The following CCDC169 variants were observed in gnomAD, a reference collection of about 807,000 sequenced individuals.
The protein encoded by CCDC169 is coiled-coil domain-containing protein 169.
CCDC169 carries 30 observed loss-of-function variants against 36.0 expected under a neutral mutation model. The observed-to-expected ratio is 0.83, with a 90% CI of 0.62 to 1.13. CCDC169 has a LOEUF of 1.13. CCDC169 is among the 50% of genes most tolerant of loss of function. The pLI is 0.00. For missense variants in CCDC169, 245 were observed against 245.9 expected, an observed-to-expected ratio of 1.00 and a Z score of 0.03; for synonymous variants, 85 against 81.5, an observed-to-expected ratio of 1.04 and a Z score of -0.23.
Position 36,283,487 on chromosome 13 carries a change from G to A in CCDC169, c.297C>T (p.Val99=). The change falls in exon 4 of 8, where the codon GTC becomes GTT. Residue 99 remains valine (V), a synonymous_variant. Transcript: ENST00000239859. ...TACTCACCACTGGCATTCGTTCATA[G>A]ACACGAATAGAAGATAGTCTATCTA... ...NSSDRLSSIR[V]YERMPVESLN... is the part of the protein sequence containing the mutation. 1.3e-6 allele frequency: 2 copies of A among 1,549,108 alleles called. No homozygotes were observed. Among genetic ancestry groups the A allele is most frequent in the Non-Finnish European group, 1.7e-6 (2 of 1,144,984 alleles).
downstream of CCDC169, chr13:36,227,188 G>C: frequency 2.0e-6 from 3 of 1,481,080 alleles, no homozygotes; most frequent in Non-Finnish European, 1.8e-6. Flanking sequence ...GCACATGTCT[G>C]AGTATTTTAC....
chr13:36,277,302 G>A (rs1180856181), intron 4 of CCDC169, among the ~76,000 whole-genome samples: 2 of 152,030 alleles, frequency 1.3e-5, no homozygotes, highest in Admixed American at 6.6e-5. Context: ...AACACACACT[G>A]GGGCCTGTCA....
At chr13:36,263,544 T>C (rs1208460912) in intron 4 of CCDC169, among the ~76,000 whole-genome samples, 1 of 152,204 alleles carries the variant, frequency 6.6e-6, no homozygotes, top group Middle Eastern at 3.2e-3. Context: ...TTAAAAATTA[T>C]ATTAAGAGAA....
chr13:36,271,134 T>A (rs374116399), intron 4 of CCDC169, among the ~76,000 whole-genome samples: 1 of 152,094 alleles, frequency 6.6e-6, no homozygotes, highest in Non-Finnish European at 1.5e-5. Context: ...AATGAAGATA[T>A]ACAAATGGCC....
intron 7 of CCDC169, 23 bp from the exon 8 acceptor site, chr13:36,231,315 A>T (rs1214685036): frequency 1.3e-6 from 2 of 1,549,260 alleles, no homozygotes; most frequent in African/African-American, 2.7e-5. Context: ...AGTGTTAATC[A>T]TAATTTTTCA....
At chr13:36,232,999 G>C (rs941011586) in intron 7 of CCDC169, among the ~76,000 whole-genome samples, 1 of 152,174 alleles carries the variant, frequency 6.6e-6, no homozygotes, top group Admixed American at 6.5e-5. Flanking sequence ...GCATACTCAG[G>C]AAAGGCCTGA....
intron 2 of CCDC169, among the ~76,000 whole-genome samples, chr13:36,290,034 T>G (rs1175029294): frequency 6.6e-6 from 1 of 152,122 alleles, no homozygotes; most frequent in Non-Finnish European, 1.5e-5. Flanking sequence ...AAAAAAAAGG[T>G]CCTTATCAGG....
intron 4 of CCDC169, among the ~76,000 whole-genome samples, chr13:36,278,452 T>C (rs2138590725): frequency 6.6e-6 from 1 of 152,278 alleles, no homozygotes; most frequent in African/African-American, 2.4e-5. Flanking sequence ...TCACATTTTC[T>C]CCTATGTCCT....
intron 4 of CCDC169, 149 bp downstream of exon 4, chr13:36,283,320 T>G: frequency 1.3e-6 from 1 of 744,520 alleles, no homozygotes; most frequent in South Asian, 1.9e-5. Flanking sequence ...TACTCAAAAA[T>G]TATTTGTTGT....
intron 6 of CCDC169, among the ~76,000 whole-genome samples, chr13:36,252,184 C>T (rs1484979486): frequency 6.6e-6 from 1 of 152,166 alleles, no homozygotes; most frequent in African/African-American, 2.4e-5. Flanking sequence ...ATTCCAAGCA[C>T]ATAGTCTGAG....
intron 4 of CCDC169, among the ~76,000 whole-genome samples, chr13:36,268,897 G>C (rs1164596134): frequency 6.6e-6 from 1 of 152,106 alleles, no homozygotes; most frequent in Non-Finnish European, 1.5e-5. Context: ...TTGAGGTCAG[G>C]AGTTCAAGAT....
chr13:36,286,176 G>A (rs1878231357), intron 2 of CCDC169, among the ~76,000 whole-genome samples: 1 of 152,132 alleles, frequency 6.6e-6, no homozygotes, highest in Non-Finnish European at 1.5e-5. Context: ...GGATATTAGG[G>A]AATTTCCCAG....
At chr13:36,253,222 C>T (rs1008840129) in intron 6 of CCDC169, among the ~76,000 whole-genome samples, 15 of 151,978 alleles carry the variant, frequency 9.9e-5, no homozygotes, top group Admixed American at 8.5e-4. Context: ...TCATGATAGC[C>T]CAGAGATAGC....
In CCDC169 at chr13:36,231,104, T is replaced by C. The variant is rs1870374097; in HGVS notation, c.*89A>G. 6.8e-7 allele frequency: 1 copy of C among 1,469,608 alleles called. No homozygotes were observed. Among genetic ancestry groups the C allele is most frequent in the African/African-American group, 1.4e-5 (1 of 69,944 alleles). The allele number at this position is 1,469,608 out of a possible 1,614,324, so 91.0% of individuals were successfully genotyped here. On this transcript the variant is annotated 3_prime_UTR_variant, in exon 8 of 8. Transcript: ENST00000239859. ...GGCAGTTCTTATCTATTTTATTCCC[T>C]GAAGAAATGTGCTGACCATTAACTT...
At chr13:36,293,482 C>T (rs1879143462) in intron 2 of CCDC169, among the ~76,000 whole-genome samples, 5 of 152,220 alleles carry the variant, frequency 3.3e-5, no homozygotes, top group African/African-American at 1.2e-4. Flanking sequence ...CCTCTCCAGT[C>T]CCTTGAATCT....
chr13:36,234,931 G>C (rs553492888), intron 7 of CCDC169, among the ~76,000 whole-genome samples: 1 of 152,060 alleles, frequency 6.6e-6, no homozygotes, highest in East Asian at 1.9e-4. Flanking sequence ...CATAAAAATA[G>C]GATAAATGTA....
chr13:36,241,401 TCTTC>T (rs374997230), intron 7 of CCDC169, among the ~76,000 whole-genome samples: 9 of 152,272 alleles, frequency 5.9e-5, no homozygotes, highest in African/African-American at 2.2e-4. Flanking sequence ...ATTATTCACT[TCTTC>T]CTTTCCATTG....
rs1278644144 is a variant in CCDC169, at chr13:36,250,266, T to C, written c.469-1584A>G. On this transcript the variant is annotated intron_variant, in intron 6 of 7. Transcript: ENST00000239859. Reference sequence around the variant, plus strand: ...AGCAGATATATCCAGGAATAGCACATAGCATTTGGTCTAACGGCAGTCTAG... The same window carrying C: ...AGCAGATATATCCAGGAATAGCACACAGCATTTGGTCTAACGGCAGTCTAG... Among the ~76,000 whole-genome samples the C allele has an allele frequency of 5.3e-5, 8 of 152,246 alleles. No homozygotes were observed. In the East Asian group the frequency reaches 1.4e-3, roughly 26 times the overall value.
intron 4 of CCDC169, among the ~76,000 whole-genome samples, chr13:36,275,420 C>T (rs907461452): frequency 2.0e-4 from 31 of 152,096 alleles, no homozygotes; most frequent in African/African-American, 7.2e-4. Flanking sequence ...TCTGTTTAAA[C>T]TAACTTTTCT....
Sources: gnomAD v4.1 joint callset for allele counts (sites outside exome capture counted in the v4.1 genomes callset) on GRCh38, gnomAD v4.1.1 for gene constraint, MANE v1.5 for transcripts, NCBI Gene and HGNC (gene_info 2026-07-23, HGNC 2026-07-21) for gene names.